The following METTL15 variants were observed in gnomAD, a reference collection of about 807,000 sequenced individuals.
METTL15 encodes 12S rRNA N(4)-cytidine methyltransferase METTL15.
Under a neutral mutation model 38.3 loss-of-function variants are expected in METTL15, and 34 were observed. The observed-to-expected ratio is 0.89, with a 90% CI of 0.68 to 1.18. The LOEUF (loss-of-function observed/expected upper bound fraction) is 1.18. Ranked by LOEUF, METTL15 falls within the 50% of genes most tolerant of loss-of-function variation. The probability of loss-of-function intolerance (pLI) is 0.00; values close to 1 mark genes in which losing one functional copy is unlikely to be tolerated. For synonymous variants in METTL15, 162 were observed against 170.9 expected (o/e 0.95, Z 0.41); for missense variants, 438 against 498.4 (o/e 0.88, Z 1.15).
At chr11:28,384,000 C>T (rs1354620159) in intron 5 of METTL15, among the ~76,000 whole-genome samples, 1 of 151,992 alleles carries the variant, frequency 6.6e-6, no homozygotes, top group East Asian at 1.9e-4. Context: ...CTGTTATTCC[C>T]TTCTATGTGT....
At chr11:28,204,435 C>CTTTTTT (rs59729387) in intron 3 of METTL15, among the ~76,000 whole-genome samples, 2 of 79,338 alleles carry the variant, frequency 2.5e-5, no homozygotes, top group Non-Finnish European at 4.5e-5. Context: ...CTGAGTTTTC[C>CTTTTTT]TTTTTTTTTT....
At chr11:28,291,652 AT>A (rs1398585719) in intron 5 of METTL15, among the ~76,000 whole-genome samples, 7 of 152,310 alleles carry the variant, frequency 4.6e-5, no homozygotes, top group African/African-American at 1.4e-4. Context: ...AGAATGAAGA[AT>A]GTAATTATAA....
intron 3 of METTL15, among the ~76,000 whole-genome samples, chr11:28,208,903 A>T (rs1029431029): frequency 6.6e-6 from 1 of 152,036 alleles, no homozygotes; most frequent in African/African-American, 2.4e-5. Context: ...TAGAATTGTA[A>T]AAATGAGAGT....
chr11:28,266,276 G>A (rs531191849), intron 4 of METTL15, among the ~76,000 whole-genome samples: 18 of 152,150 alleles, frequency 1.2e-4, no homozygotes, highest in East Asian at 9.7e-4. Context: ...TTATTGCGGC[G>A]CTATTCACAA....
chr11:28,125,363 A>G (rs906144447), intron 3 of METTL15: 4 of 151,952 alleles, frequency 2.6e-5, no homozygotes, highest in African/African-American at 7.2e-5. Context: ...TGTAGGGTCA[A>G]ATTCTCCATT....
At chr11:28,394,411 A>C (rs1850546965) in intron 5 of METTL15, among the ~76,000 whole-genome samples, 1 of 152,082 alleles carries the variant, frequency 6.6e-6, no homozygotes, top group African/African-American at 2.4e-5. Context: ...GGTCATATTC[A>C]GTCATATTTG....
intron 6 of METTL15, among the ~76,000 whole-genome samples, chr11:28,522,672 C>T (rs1343966945): frequency 1.3e-5 from 2 of 152,148 alleles, no homozygotes; most frequent in African/African-American, 4.8e-5. Context: ...GCAGAAGGAG[C>T]CTCAGGAACC....
intron 3 of METTL15, among the ~76,000 whole-genome samples, chr11:28,350,190 C>A (rs1850029381): frequency 6.6e-6 from 1 of 152,120 alleles, no homozygotes; most frequent in Non-Finnish European, 1.5e-5. Context: ...GAGAGATGGC[C>A]ACCATAATCT....
Position 28,442,815 on chromosome 11 carries a change from T to A in METTL15, c.*424+18451T>A, listed in dbSNP as rs983785706. The stretch of plus-strand genomic sequence containing the variant: ...AAATAATATCCTGCTAATTCTTACC[T>A]TTACAATTCAAAGAAGTTTGACATA... On this transcript the variant is annotated intron_variant and NMD_transcript_variant, in intron 6 of 7. Coordinates refer to the METTL15 transcript ENST00000532947. Among the ~76,000 whole-genome samples, 3 of 152,240 alleles carry A rather than the reference T, an allele frequency of 2.0e-5. No homozygotes were observed. In the East Asian group the frequency reaches 5.8e-4, roughly 29 times the overall value.
rs530126375 is a variant in METTL15, at chr11:28,148,000, G to A, written c.270+34396G>A. The stretch of plus-strand genomic sequence containing the variant: ...AGTTAGAGTCTAAATCTTTCTGAGG[G>A]TCCACACAGTTTTCTCTTCAGTCTT... On this transcript the variant is annotated intron_variant, in intron 3 of 6. Coordinates refer to ENST00000407364, the MANE Select transcript of METTL15 (RefSeq NM_001113528.2). Among the ~76,000 whole-genome samples, 3 of 151,872 alleles carry A rather than the reference G, an allele frequency of 2.0e-5. No homozygotes were observed. In the South Asian group the frequency reaches 6.2e-4, roughly 32 times the overall value.
At chr11:28,128,303 C>G (rs948405287) in intron 3 of METTL15, among the ~76,000 whole-genome samples, 3 of 151,962 alleles carry the variant, frequency 2.0e-5, no homozygotes. Context: ...CTGTTAGGTA[C>G]TATATACTAC....
At chr11:28,149,418 A>G (rs576988355) in intron 3 of METTL15, among the ~76,000 whole-genome samples, 4 of 151,850 alleles carry the variant, frequency 2.6e-5, no homozygotes, top group African/African-American at 9.6e-5. Flanking sequence ...AATCTAGCCA[A>G]ACTAGCCATG....
At chr11:28,529,655 A>G (rs1208520398), downstream of METTL15, among the ~76,000 whole-genome samples, 1 of 151,462 alleles carries the variant, frequency 6.6e-6, no homozygotes, top group African/African-American at 2.4e-5. Flanking sequence ...AAAATGAAAT[A>G]AAAAATTGAT....
At chr11:28,335,794 ACCCTGAAG>A (rs931051145), downstream of METTL15, among the ~76,000 whole-genome samples, 7 of 152,028 alleles carry the variant, frequency 4.6e-5, no homozygotes, top group Admixed American at 6.6e-5. Flanking sequence ...AAGAGGATCC[ACCCTGAAG>A]CCCTTACCAG....
intron 5 of METTL15, among the ~76,000 whole-genome samples, chr11:28,381,924 T>TG (rs1445501489): frequency 6.6e-6 from 1 of 152,096 alleles, no homozygotes; most frequent in African/African-American, 2.4e-5. Flanking sequence ...TCCTTTTTTT[T>TG]TTTGTGTGGA....
intron 4 of METTL15, among the ~76,000 whole-genome samples, chr11:28,288,186 A>T (rs1452782761): frequency 6.6e-6 from 1 of 152,192 alleles, no homozygotes; most frequent in Non-Finnish European, 1.5e-5. Context: ...GAGGTTGCAG[A>T]GAAAAAGGAA....
intron 3 of METTL15, among the ~76,000 whole-genome samples, chr11:28,188,248 T>C (rs1851575819): frequency 6.6e-6 from 1 of 151,394 alleles, no homozygotes; most frequent in South Asian, 2.1e-4. Flanking sequence ...TCACATATAT[T>C]ATTTGAAAAA....
At chr11:28,145,809 A>G (rs1015726825) in intron 3 of METTL15, 1 of 152,104 alleles carries the variant, frequency 6.6e-6, no homozygotes, top group African/African-American at 2.4e-5. Context: ...TTGAAGAATC[A>G]TTTAAAGCTT....
In METTL15 at chr11:28,410,184, A is replaced by G. The variant is rs188865768; in HGVS notation, c.*359-14115A>G. On this transcript the variant is annotated intron_variant and NMD_transcript_variant, in intron 5 of 7. Transcript: ENST00000532947. The stretch of plus-strand genomic sequence containing the variant: ...GATTCACTACTGATTACTGCCAAAC[A>G]TACAAAGAAGAATGATTACCAATAA... 7.2e-5 allele frequency among the ~76,000 whole-genome samples: 11 copies of G among 152,316 alleles called. No homozygotes were observed. The East Asian group carries it at 2.1e-3, about 29-fold the overall frequency.
Sources: allele counts gnomAD v4.1 joint callset (sites outside exome capture counted in the v4.1 genomes callset), GRCh38; gene constraint gnomAD v4.1.1; transcripts MANE v1.5; gene names NCBI Gene and HGNC (gene_info 2026-07-23, HGNC 2026-07-21).